Variants in MEAK7 observed in about 807,000 individuals in gnomAD.
MEAK7 encodes MTOR-associated protein MEAK7.
A neutral mutation model predicts 40.5 loss-of-function variants in MEAK7; 68 were observed. The observed-to-expected ratio is 1.68, with a 90% CI of 1.38 to 2.06. MEAK7 has a LOEUF of 2.06. Among genes scored for constraint, MEAK7 ranks in the 30% most tolerant of loss-of-function variants. The probability of loss-of-function intolerance (pLI) is 0.00; values close to 1 mark genes in which losing one functional copy is unlikely to be tolerated. For missense variants in MEAK7, 918 were observed against 580.5 expected (o/e 1.58, Z -5.98); for synonymous variants, 338 against 231.9 (o/e 1.46, Z -4.16).
intron 4 of MEAK7, 120 bp from the exon 5 acceptor site, chr16:84,487,179 CAG>C: frequency 1.1e-6 from 1 of 949,826 alleles, no homozygotes; most frequent in South Asian, 1.8e-5. Flanking sequence ...GCACAGAAAA[CAG>C]GGCTCGTGTG....
At position 84,479,951 on chromosome 16, in the gene MEAK7, G is replaced by A; in HGVS notation, c.1333C>T (p.His445Tyr). ...ALLEISGHSR[H>Y]SEGLREVPDD... Reference sequence around the variant, plus strand: ...GGGACTTCCCGGAGCCCTTCGCTGTGGCGCGAATGCCCACTGATCTCCAGC... The same window carrying A: ...GGGACTTCCCGGAGCCCTTCGCTGTAGCGCGAATGCCCACTGATCTCCAGC... Residue 445 changes from histidine to tyrosine, a missense_variant, in exon 8 of 8, where the codon CAC becomes TAC. Transcript: ENST00000343629. 2 of 1,610,342 alleles carry A rather than the reference G, an allele frequency of 1.2e-6. No homozygotes were observed. The highest frequency in any genetic ancestry group is 8.5e-7 in the Non-Finnish European group (1 of 1,177,334).
chr16:84,498,990 G>T (rs1914280097), intron 1 of MEAK7, among the ~76,000 whole-genome samples: 1 of 152,186 alleles, frequency 6.6e-6, no homozygotes, highest in South Asian at 2.1e-4. Context: ...AGCCTCAGAA[G>T]ATTGCCGTGA....
chr16:84,481,658 G>A (rs1597920654), intron 6 of MEAK7, among the ~76,000 whole-genome samples: 2 of 152,210 alleles, frequency 1.3e-5, no homozygotes, highest in Admixed American at 1.3e-4. Context: ...TGTCAGCTGG[G>A]CGCAGTGGCT....
chr16:84,493,110 T>C (rs889498630), intron 3 of MEAK7, among the ~76,000 whole-genome samples: 1 of 152,216 alleles, frequency 6.6e-6, no homozygotes, highest in African/African-American at 2.4e-5. Flanking sequence ...TTAGTATGTG[T>C]TCCAAAATTC....
At chr16:84,495,327 A>T (rs1048673538) in intron 3 of MEAK7, among the ~76,000 whole-genome samples, 2 of 152,204 alleles carry the variant, frequency 1.3e-5, no homozygotes, top group African/African-American at 4.8e-5. Context: ...ACCTGATCAT[A>T]TGTAAAGTGC....
At chr16:84,497,662 A>T (rs1597965421) in intron 2 of MEAK7, 1 of 1,445,650 alleles carries the variant, frequency 6.9e-7, no homozygotes, top group African/African-American at 1.4e-5. Flanking sequence ...AGTACAGATA[A>T]GAGACTATTG....
chr16:84,493,859 C>T (rs1375430159), intron 3 of MEAK7, among the ~76,000 whole-genome samples: 2 of 152,104 alleles, frequency 1.3e-5, no homozygotes, highest in Non-Finnish European at 2.9e-5. Flanking sequence ...ACAAACTGGC[C>T]TCACACTGTC....
In MEAK7 at chr16:84,477,709, T is replaced by C. The variant is rs1912173557; in HGVS notation, c.*2204A>G. On this transcript the variant is annotated 3_prime_UTR_variant, in exon 8 of 8. Transcript: ENST00000343629. ...CACAAAAGAACAAACTATTCATTTG[T>C]GCAAACTAGGATTGCGAGTTTCTCA... 6.6e-6 allele frequency: 1 copy of C among 152,080 alleles called. No homozygotes were observed. Among genetic ancestry groups the C allele is most frequent in the African/African-American group, 2.4e-5 (1 of 41,362 alleles). The allele number at this position is 152,080 out of a possible 1,614,324, so 9.4% of individuals were successfully genotyped here.
rs1244382570 is a variant in MEAK7 at position 84,489,299 on chromosome 16, G to C, written c.508C>G (p.Leu170Val). ...TTGCCTTGCAGCTTCATGTCAGAGA[G>C]CAGCTGAGCAGCCAGCACCTGCACC... ...PRVQVLAAQL[L>V]SDMKLQDGKR... Residue 170 changes from leucine (L) to valine (V), a missense_variant, in exon 4 of 8, where the codon CTC (leucine) becomes GTC (valine). Leu to Val is a conservative substitution (Grantham distance 32, BLOSUM62 1). Transcript: ENST00000343629. 3 of 1,613,944 alleles carry C rather than the reference G, an allele frequency of 1.9e-6. No individual in the cohort carries two copies. The highest frequency in any genetic ancestry group is 2.5e-6 in the Non-Finnish European group (3 of 1,179,972).
chr16:84,483,085 C>G (rs1912721574), intron 5 of MEAK7, among the ~76,000 whole-genome samples: 1 of 152,182 alleles, frequency 6.6e-6, no homozygotes. Flanking sequence ...AGACTGAGGC[C>G]TCCAGCACAG....
At chr16:84,491,440 G>A (rs1210948143) in intron 3 of MEAK7, among the ~76,000 whole-genome samples, 1 of 151,454 alleles carries the variant, frequency 6.6e-6, no homozygotes, top group Non-Finnish European at 1.5e-5. Context: ...TTGGGATGCT[G>A]AGGCAGGAGA....
chr16:84,481,342 G>GGGCAA (rs1567486023), intron 6 of MEAK7, among the ~76,000 whole-genome samples: 2 of 151,816 alleles, frequency 1.3e-5, no homozygotes, highest in African/African-American at 2.4e-5. Flanking sequence ...TTCTGACCTT[G>GGGCAA]GGCAACCAGA....
At chr16:84,492,078 G>A (rs545481103) in intron 3 of MEAK7, among the ~76,000 whole-genome samples, 49 of 152,232 alleles carry the variant, frequency 3.2e-4, no homozygotes, top group Middle Eastern at 3.4e-3. Context: ...GAGACACAGG[G>A]CCTGAAATTT....
chr16:84,482,165 C>T (rs758417313), intron 6 of MEAK7, among the ~76,000 whole-genome samples: 31 of 152,142 alleles, frequency 2.0e-4, no homozygotes, highest in Non-Finnish European at 3.2e-4. Flanking sequence ...ACAGGAGCCA[C>T]GGTCACCCCA....
At chr16:84,499,022 G>T (rs1401300391) in intron 1 of MEAK7, among the ~76,000 whole-genome samples, 2 of 152,162 alleles carry the variant, frequency 1.3e-5, no homozygotes, top group Non-Finnish European at 2.9e-5. Context: ...GTCAACCAAA[G>T]CAAAGGGCCA....
chr16:84,487,011 C>A lies in MEAK7; in HGVS notation c.578G>T (p.Arg193Leu), dbSNP rs778188228. Residue 193 changes from arginine (R) to leucine (L), a missense_variant, in exon 5 of 8, where the codon CGA becomes CTA. Transcript: ENST00000343629. Reference sequence around the variant, plus strand: ...GAACACCCAGTCCTCGATCACAGCTCGGTCACAGTCATAGTCCAGCCACTG... The same window carrying A: ...GAACACCCAGTCCTCGATCACAGCTAGGTCACAGTCATAGTCCAGCCACTG... ...GPQWLDYDCD[R>L]AVIEDWVFRV... 1 of 1,614,020 alleles carries A rather than the reference C, an allele frequency of 6.2e-7. No individual in the cohort carries two copies.
chr16:84,482,591 C>G lies in MEAK7; in HGVS notation c.1077+1G>C. The G allele has an allele frequency of 6.2e-7, 1 of 1,614,162 alleles. No individual in the cohort carries two copies. The highest frequency in any genetic ancestry group is 1.1e-5 in the South Asian group (1 of 91,082). On this transcript the variant is annotated splice_donor_variant, in intron 6 of 7. Transcript: ENST00000343629. LOFTEE classifies it high-confidence loss of function. Reference sequence around the variant, plus strand: ...GACCACCACGCTCTGCCCGGGCTCACCAGTCCGTTCGGGATCGTCTGCTGT... The same window carrying G: ...GACCACCACGCTCTGCCCGGGCTCAGCAGTCCGTTCGGGATCGTCTGCTGT...
rs1435739919 is a variant in MEAK7, at chr16:84,502,163, G to C, written c.-26+2438C>G. 2.6e-5 allele frequency among the ~76,000 whole-genome samples: 4 copies of C among 151,628 alleles called. No homozygotes were observed. The East Asian group carries it at 7.8e-4, about 30-fold the overall frequency. On this transcript the variant is annotated intron_variant, in intron 1 of 7. Coordinates refer to ENST00000343629, the MANE Select transcript of MEAK7 (RefSeq NM_020947.4). ...CGGTCTCAAAAAAAAAAAAGACAAT[G>C]CACGCTGGTGCTGGTGCTGACAGCG...
intron 3 of MEAK7, chr16:84,494,606 G>C: frequency 3.2e-6 from 1 of 316,950 alleles, no homozygotes; most frequent in South Asian, 2.6e-5. Flanking sequence ...AGAGTAATAT[G>C]GCCTATATGA....
Sources: gnomAD v4.1 joint callset for allele counts (sites outside exome capture counted in the v4.1 genomes callset) on GRCh38, gnomAD v4.1.1 for gene constraint, MANE v1.5 for transcripts, NCBI Gene and HGNC (gene_info 2026-07-23, HGNC 2026-07-21) for gene names.